The following TLE5 variants were observed in gnomAD, a reference collection of about 807,000 sequenced individuals.
TLE5 encodes TLE family member 5.
TLE5 carries 7 observed loss-of-function variants against 25.8 expected under a neutral mutation model. That is an observed-to-expected ratio of 0.27 (90% CI 0.15 to 0.51). The LOEUF (loss-of-function observed/expected upper bound fraction) is 0.51. TLE5 is among the 20% of genes least tolerant of loss of function. The pLI is 0.97. For synonymous variants in TLE5, 132 were observed against 110.5 expected, an observed-to-expected ratio of 1.20 and a Z score of -1.22; for missense variants, 149 against 250.7, an observed-to-expected ratio of 0.59 and a Z score of 2.74.
chr19:3,056,208 G>A (rs1397173666), intron 4 of TLE5, 104 bp downstream of exon 4: 13 of 790,674 alleles, frequency 1.6e-5, no homozygotes, highest in Admixed American at 2.9e-5. Context: ...GTGCCCAGCC[G>A]AGGGCCGGCC....
At position 3,057,490 on chromosome 19, in the gene TLE5, C is replaced by T. The variant is rs756285942; in HGVS notation, c.189+189G>A. 168 of 607,780 alleles carry T rather than the reference C, an allele frequency of 2.8e-4. 1 individual carries two copies. The highest frequency in any genetic ancestry group is 1.2e-4 in the Admixed American group (4 of 34,676). The allele number at this position is 607,780 out of a possible 1,614,324, so 37.6% of individuals were successfully genotyped here. ...CGGTTTGGCACCTCGGCCACTGCCTCGGCCATCTGCCAGGCTAGCGAGGCA... is the reference window on the plus strand; with the variant it reads ...CGGTTTGGCACCTCGGCCACTGCCTTGGCCATCTGCCAGGCTAGCGAGGCA... On this transcript the variant is annotated intron_variant, in intron 3 of 6. Transcript: ENST00000327141.
intron 3 of TLE5, chr19:3,057,309 G>A (rs951663121): frequency 3.4e-6 from 1 of 296,810 alleles, no homozygotes; most frequent in South Asian, 3.7e-5. Flanking sequence ...GGGGTTAAGC[G>A]TGTGGACGCT....
intron 3 of TLE5, chr19:3,056,585 G>T: frequency 1.5e-6 from 1 of 665,780 alleles, no homozygotes. Flanking sequence ...CGCTGGGGCT[G>T]CGGATGGAGA....
chr19:3,054,631 A>G (rs576163493), intron 5 of TLE5: 18 of 171,302 alleles, frequency 1.1e-4, no homozygotes, highest in African/African-American at 4.0e-4. Flanking sequence ...GTCTGGCCAA[A>G]TTGAGCCCTT....
Position 3,062,166 on chromosome 19 carries a change from C to G in TLE5, c.27+8G>C. ...GGTGGGGGCGCCGGCCGGACGGGCC[C>G]CGCTTACCGAATGCCTGCTTTGTGG... On this transcript the variant is annotated splice_region_variant and intron_variant, in intron 1 of 6. Coordinates refer to ENST00000327141, the MANE Select transcript of TLE5 (RefSeq NM_001130.6). The G allele has an allele frequency of 8.6e-7, 1 of 1,165,588 alleles. No individual in the cohort carries two copies. Among genetic ancestry groups the G allele is most frequent in the South Asian group, 4.2e-5 (1 of 23,798 alleles). 72.2% of individuals were successfully genotyped at this position (1,165,588 alleles called of 1,614,324 possible).
Position 3,062,262 on chromosome 19 carries a change from GGGCGCCGGGCGGCCGCGCCTTTGTCCC to G in TLE5, c.-89_-63del, listed in dbSNP as rs2090278166. On this transcript the variant is annotated 5_prime_UTR_variant, in exon 1 of 7. Coordinates refer to ENST00000327141, the MANE Select transcript of TLE5 (RefSeq NM_001130.6). Reference sequence around the variant, plus strand: ...TGTGCGCCCCGGCTCGGGCTGCTGGGGGCGCCGGGCGGCCGCGCCTTTGTCCCGGCGCCGATCGGCAGCTCCCGGGGC... The same window carrying G: ...TGTGCGCCCCGGCTCGGGCTGCTGGGGGCGCCGATCGGCAGCTCCCGGGGC... 4 of 1,039,040 alleles carry G rather than the reference GGGCGCCGGGCGGCCGCGCCTTTGTCCC, an allele frequency of 3.8e-6. No individual in the cohort carries two copies. Among genetic ancestry groups the G allele is most frequent in the African/African-American group, 3.4e-5 (2 of 57,976 alleles). 64.4% of individuals were successfully genotyped at this position (1,039,040 alleles called of 1,614,324 possible).
Position 3,053,949 on chromosome 19 carries a change from G to A in TLE5, c.464C>T (p.Pro155Leu), listed in dbSNP as rs1007142008. 1.2e-6 allele frequency: 2 copies of A among 1,611,856 alleles called. No individual in the cohort carries two copies. Among genetic ancestry groups the A allele is most frequent in the Non-Finnish European group, 1.7e-6 (2 of 1,179,512 alleles). ...GAGGCCGGTGCCTGCGCTGACCGCC[G>A]GCAGCGAAGGCGGCTGCAGCCCCAC... ...LPVGLQPPSLPAVSAGTGLLS... is the reference protein window; with the variant it reads ...LPVGLQPPSLLAVSAGTGLLS... Residue 155 changes from proline to leucine, a missense_variant, in exon 7 of 7, where the codon CCG becomes CTG. Transcript: ENST00000327141.
At chr19:3,057,326 T>C (rs1372159118) in intron 3 of TLE5, 1 of 325,916 alleles carries the variant, frequency 3.1e-6, no homozygotes, top group Non-Finnish European at 5.9e-6. Flanking sequence ...CGCTGGGACC[T>C]TGGCGGTGGG....
intron 6 of TLE5, 34 bp downstream of exon 6, chr19:3,054,086 T>TCGGGGGGGGGGGGCCCCCCCC: frequency 1.1e-5 from 16 of 1,512,770 alleles, no homozygotes; most frequent in Non-Finnish European, 1.4e-5. Flanking sequence ...GGCCCACCTG[T>TCGGGGGGGGGGGGCCCCCCCC]CCCCCGCCCA....
chr19:3,058,653 T>C (rs1263000885), intron 2 of TLE5, among the ~76,000 whole-genome samples: 1 of 152,194 alleles, frequency 6.6e-6, no homozygotes, highest in African/African-American at 2.4e-5. Context: ...CAGAGCTTCC[T>C]ACAGGCCCTC....
rs751393669 is a variant in TLE5 at position 3,053,924 on chromosome 19, G to C, written c.489C>G (p.Leu163=). 6.2e-7 allele frequency: 1 copy of C among 1,612,926 alleles called. No homozygotes were observed. ...SLPAVSAGTG[L]LSLSALGSQA... is the part of the protein sequence containing the mutation. ...GGGAACCCAGCGCGGACAGCGAGAGGAGGCCGGTGCCTGCGCTGACCGCCG... is the reference window on the plus strand; with the variant it reads ...GGGAACCCAGCGCGGACAGCGAGAGCAGGCCGGTGCCTGCGCTGACCGCCG... Residue 163 remains leucine (L), a synonymous_variant, in exon 7 of 7, where the codon CTC becomes CTG. Transcript: ENST00000327141.
In TLE5 at chr19:3,060,320, TTTTC is replaced by T. The variant is rs1380169878; in HGVS notation, c.125+836_125+839del. Among the ~76,000 whole-genome samples the T allele has an allele frequency of 4.6e-3, 644 of 138,710 alleles. 7 individuals are homozygous for T. Among genetic ancestry groups the T allele is most frequent in the African/African-American group, 0.017 (625 of 36,012 alleles). 91.0% of individuals were successfully genotyped at this position (138,710 alleles called of 152,430 possible). On this transcript the variant is annotated intron_variant, in intron 2 of 6. Coordinates refer to ENST00000327141, the MANE Select transcript of TLE5 (RefSeq NM_001130.6). ...AACATCTCTGGGCTTAAGTTTCTTT[TTTTC>T]TTTCTTTTTTTTTTTTTTTTTTTTT...
chr19:3,056,708 CG>C, intron 3 of TLE5: 1 of 426,342 alleles, frequency 2.3e-6, no homozygotes, highest in Non-Finnish European at 4.6e-6. Context: ...GTCTTGTCTG[CG>C]GGTGGGCCCA....
chr19:3,060,458 G>T (rs1160773009), intron 2 of TLE5, among the ~76,000 whole-genome samples: 1 of 145,788 alleles, frequency 6.9e-6, no homozygotes, highest in African/African-American at 2.6e-5. Flanking sequence ...TCAGCCACCC[G>T]AGTAGCTGGG....
intron 2 of TLE5, among the ~76,000 whole-genome samples, chr19:3,058,123 A>G (rs530219087): frequency 2.6e-5 from 4 of 151,912 alleles, no homozygotes; most frequent in Non-Finnish European, 5.9e-5. Flanking sequence ...GGGAGGGGAG[A>G]GCATCAGGGC....
At chr19:3,057,858 A>G in intron 2 of TLE5, 116 bp from the exon 3 acceptor site, 1 of 917,256 alleles carries the variant, frequency 1.1e-6, no homozygotes, top group Non-Finnish European at 1.8e-6. Flanking sequence ...GGGCAAGATC[A>G]GCCAATTCTC....
chr19:3,061,922 G>C lies in TLE5; in HGVS notation c.27+252C>G, dbSNP rs1185093568. Among the ~76,000 whole-genome samples the C allele has an allele frequency of 1.1e-4, 15 of 140,638 alleles. No individual in the cohort carries two copies. The East Asian group carries it at 3.1e-3, about 29-fold the overall frequency. The allele number at this position is 140,638 out of a possible 152,430, so 92.3% of individuals were successfully genotyped here. ...GGCGCCAAGCCGGGAGCTGCGGCGG[G>C]GGGGCTCGGGGCCCGGAAGCTGGGG... is the stretch of plus-strand genomic sequence containing the variant. On this transcript the variant is annotated intron_variant, in intron 1 of 6. Transcript: ENST00000327141.
intron 5 of TLE5, 108 bp from the exon 6 acceptor site, chr19:3,054,302 C>G (rs2090199993): frequency 9.7e-7 from 1 of 1,031,760 alleles, no homozygotes; most frequent in African/African-American, 1.6e-5. Flanking sequence ...AGTGGGCCAT[C>G]ATGTCTGCTC....
intron 4 of TLE5, chr19:3,055,947 G>A: frequency 1.8e-6 from 1 of 541,742 alleles, no homozygotes; most frequent in Non-Finnish European, 3.3e-6. Context: ...GCAGCTTAGA[G>A]TGAGGTAAGT....
Sources: gnomAD v4.1 joint callset for allele counts (sites outside exome capture counted in the v4.1 genomes callset) on GRCh38, gnomAD v4.1.1 for gene constraint, MANE v1.5 for transcripts, NCBI Gene and HGNC (gene_info 2026-07-23, HGNC 2026-07-21) for gene names.